The following IL26 variants were observed in gnomAD, a reference collection of about 807,000 sequenced individuals.
IL26 encodes interleukin 26.
Under a neutral mutation model 21.7 loss-of-function variants are expected in IL26, and 23 were observed. The ratio of observed to expected loss-of-function variants is 1.06; its 90% CI spans 0.76 to 1.50. The LOEUF is 1.50. Ranked by LOEUF, IL26 falls within the 40% of genes most tolerant of loss-of-function variation. The pLI, the probability that IL26 is intolerant of heterozygous loss-of-function variation, is 0.00. For synonymous variants in IL26, 63 were observed against 67.8 expected, an observed-to-expected ratio of 0.93 and a Z score of 0.34; for missense variants, 204 against 196.0, an observed-to-expected ratio of 1.04 and a Z score of -0.24.
intron 3 of IL26, among the ~76,000 whole-genome samples, chr12:68,214,415 AT>A (rs1172295268): frequency 6.6e-6 from 1 of 152,128 alleles, no homozygotes; most frequent in African/African-American, 2.4e-5. Context: ...TGATCTGTCC[AT>A]TACTAAGATT....
At chr12:68,213,023 T>A (rs1868777460) in intron 3 of IL26, among the ~76,000 whole-genome samples, 1 of 152,004 alleles carries the variant, frequency 6.6e-6, no homozygotes, top group Admixed American at 6.6e-5. Flanking sequence ...TGTTAGCTCA[T>A]CATAAATGGC....
chr12:68,211,848 T>G (rs891662486), intron 3 of IL26, among the ~76,000 whole-genome samples: 1 of 152,192 alleles, frequency 6.6e-6, no homozygotes, highest in Non-Finnish European at 1.5e-5. Context: ...TTGTCGATTG[T>G]TTCCTTTGCT....
intron 3 of IL26, among the ~76,000 whole-genome samples, chr12:68,224,447 A>G (rs1869169785): frequency 6.6e-6 from 1 of 152,026 alleles, no homozygotes; most frequent in Non-Finnish European, 1.5e-5. Flanking sequence ...GCATCAAATA[A>G]TTTAGGTACC....
intron 3 of IL26, among the ~76,000 whole-genome samples, chr12:68,208,688 A>G (rs902371471): frequency 1.3e-5 from 2 of 151,992 alleles, no homozygotes; most frequent in African/African-American, 4.8e-5. Flanking sequence ...TTTAGCAAAG[A>G]TAGGGTTTCA....
intron 3 of IL26, among the ~76,000 whole-genome samples, chr12:68,204,161 T>TTTTTTTTTTTTTTTTTTTTG: frequency 6.9e-6 from 1 of 145,554 alleles, no homozygotes; most frequent in South Asian, 2.1e-4. Context: ...TTTTTTTTTT[T>TTTTTTTTTTTTTTTTTTTTG]GAGGCAGAGT....
chr12:68,223,883 G>GTTTTTTTTTTTTTTTTTT (rs201652400), intron 3 of IL26, among the ~76,000 whole-genome samples: 3 of 81,916 alleles, frequency 3.7e-5, no homozygotes, highest in Non-Finnish European at 6.3e-5. Context: ...TAAATTTGGT[G>GTTTTTTTTTTTTTTTTTT]GTTTTTTTTT....
intron 3 of IL26, among the ~76,000 whole-genome samples, chr12:68,216,488 A>G (rs1868883378): frequency 6.6e-6 from 1 of 152,346 alleles, no homozygotes; most frequent in African/African-American, 2.4e-5. Flanking sequence ...CAGAACTACT[A>G]CATGCTAGGT....
At position 68,210,338 on chromosome 12, in the gene IL26, CAAAAAAAAAAAAAAAAAAAAAAAAA is replaced by C. The variant is rs540693081; in HGVS notation, c.364-8280_364-8256del. Reference sequence around the variant, plus strand: ...ACTAAATAAATAAATATCAGTTTGGCAAAAAAAAAAAAAAAAAAAAAAAAAAAAAAAAAAAAAAAAAAAAAACAGC... The same window carrying C: ...ACTAAATAAATAAATATCAGTTTGGCAAAAAAAAAAAAAAAAAAAAACAGC... On this transcript the variant is annotated intron_variant, in intron 3 of 4. Transcript: ENST00000229134. 4.1e-3 allele frequency among the ~76,000 whole-genome samples: 90 copies of C among 22,098 alleles called. 3 individuals carry two copies. The highest frequency in any genetic ancestry group is 0.012 in the East Asian group (3 of 254). The allele number at this position is 22,098 out of a possible 152,430, so 14.5% of individuals were successfully genotyped here. A position where few individuals can be genotyped will look rare whatever the true frequency, so the allele number is the denominator to read the frequency against.
Position 68,208,923 on chromosome 12 carries a change from C to T in IL26, c.364-6840G>A, listed in dbSNP as rs115024030. ...AACATTTGCTGAATAAATCAATCAA[C>T]AAATAAAATGCAGGCATCGACTTAC... On this transcript the variant is annotated intron_variant, in intron 3 of 4. Coordinates refer to ENST00000229134, the MANE Select transcript of IL26 (RefSeq NM_018402.2). Among the ~76,000 whole-genome samples, 556 of 152,258 alleles carry T rather than the reference C, an allele frequency of 3.7e-3. 4 individuals carry two copies. Among genetic ancestry groups the T allele is most frequent in the African/African-American group, 0.013 (529 of 41,546 alleles).
At position 68,216,368 on chromosome 12, in the gene IL26, T is replaced by G. The variant is rs982474850; in HGVS notation, c.363+8781A>C. On this transcript the variant is annotated intron_variant, in intron 3 of 4. Coordinates refer to ENST00000229134, the MANE Select transcript of IL26 (RefSeq NM_018402.2). ...ACTAATTTTAAGCACTAAAAAAGTA[T>G]CTGATTACTTAAGAGAACCACTCCT... 2.0e-5 allele frequency among the ~76,000 whole-genome samples: 3 copies of G among 152,186 alleles called. No individual in the cohort carries two copies. In the South Asian group the frequency reaches 6.2e-4, roughly 32 times the overall value.
intron 3 of IL26, among the ~76,000 whole-genome samples, chr12:68,205,430 T>C (rs1287164558): frequency 6.6e-6 from 1 of 152,010 alleles, no homozygotes; most frequent in African/African-American, 2.4e-5. Context: ...GATAGATAGA[T>C]TGTATTTTTA....
chr12:68,210,183 C>G (rs11570948), intron 3 of IL26, among the ~76,000 whole-genome samples: 40,149 of 151,536 alleles, frequency 0.26, 6,704 homozygotes, highest in Non-Finnish European at 0.39. Context: ...ACTGCAGATA[C>G]AGACTCTTAA....
chr12:68,218,876 A>G (rs1035879293), intron 3 of IL26, among the ~76,000 whole-genome samples: 4 of 152,060 alleles, frequency 2.6e-5, no homozygotes, highest in African/African-American at 9.7e-5. Flanking sequence ...ACTAACATCA[A>G]TCAAAAGAAA....
chr12:68,205,298 C>T lies in IL26; in HGVS notation c.364-3215G>A, dbSNP rs374622084. Among the ~76,000 whole-genome samples, 18 of 127,164 alleles carry T rather than the reference C, an allele frequency of 1.4e-4. No homozygotes were observed. The South Asian group carries it at 3.0e-3, about 21-fold the overall frequency. 83.4% of individuals were successfully genotyped at this position (127,164 alleles called of 152,430 possible). ...TTAGGTGCACTGACCCCCCGCCCCA[C>T]CAATGAAGTTAAAAACCTGCGTAAA... On this transcript the variant is annotated intron_variant, in intron 3 of 4. Transcript: ENST00000229134.
chr12:68,213,551 C>T (rs1013940094), intron 3 of IL26, among the ~76,000 whole-genome samples: 22 of 152,002 alleles, frequency 1.4e-4, no homozygotes, highest in African/African-American at 4.8e-4. Context: ...AATCTTGTTA[C>T]TCATTATTGG....
intron 3 of IL26, among the ~76,000 whole-genome samples, chr12:68,210,237 G>A (rs1180154473): frequency 6.6e-6 from 1 of 150,650 alleles, no homozygotes; most frequent in East Asian, 1.9e-4. Context: ...TTCACATGGG[G>A]TCCTACAAAT....
intron 3 of IL26, among the ~76,000 whole-genome samples, chr12:68,211,056 G>C (rs952834214): frequency 2.6e-5 from 4 of 152,026 alleles, no homozygotes; most frequent in Non-Finnish European, 4.4e-5. Flanking sequence ...GTATTTTTGA[G>C]CCCATTAATC....
Position 68,225,148 on chromosome 12 carries a change from C to A in IL26, c.363+1G>T. ...GCACAGTATTTGTTGTGTATACTTA[C>A]ACAGTGGCTCAATTTCTGCCTAAGG... On this transcript the variant is annotated splice_donor_variant, in intron 3 of 4. Transcript: ENST00000229134. LOFTEE classifies it high-confidence loss of function. 1.2e-6 allele frequency: 2 copies of A among 1,607,926 alleles called. No individual in the cohort carries two copies. Among genetic ancestry groups the A allele is most frequent in the Non-Finnish European group, 1.7e-6 (2 of 1,178,000 alleles).
intron 3 of IL26, among the ~76,000 whole-genome samples, chr12:68,208,419 A>G (rs763421376): frequency 1.3e-5 from 2 of 152,160 alleles, no homozygotes; most frequent in Non-Finnish European, 2.9e-5. Context: ...ACATCCTCCT[A>G]TGTGCTCCCT....
Sources: allele counts gnomAD v4.1 joint callset (sites outside exome capture counted in the v4.1 genomes callset), GRCh38; gene constraint gnomAD v4.1.1; transcripts MANE v1.5; gene names NCBI Gene and HGNC (gene_info 2026-07-23, HGNC 2026-07-21).